The following RNF150 variants were observed in gnomAD, a reference collection of about 807,000 sequenced individuals.
RNF150 encodes the protein ring finger protein 150.
A neutral mutation model predicts 39.3 loss-of-function variants in RNF150; 24 were observed. The ratio of observed to expected loss-of-function variants is 0.61; its 90% CI spans 0.44 to 0.86. The LOEUF (loss-of-function observed/expected upper bound fraction) is 0.86, where lower values mean the gene tolerates loss of function less well. Among genes scored for constraint, RNF150 ranks in the 40% least tolerant of loss-of-function variants. The pLI, the probability that RNF150 is intolerant of heterozygous loss-of-function variation, is 0.00. For synonymous variants in RNF150, 255 were observed against 227.3 expected (o/e 1.12, Z -1.10); for missense variants, 502 against 587.8 (o/e 0.85, Z 1.51).
At chr4:140,878,458 C>G (rs182023054) in intron 6 of RNF150, among the ~76,000 whole-genome samples, 54 of 152,290 alleles carry the variant, frequency 3.5e-4, no homozygotes, top group Non-Finnish European at 6.8e-4. Flanking sequence ...CAGGCGTAAA[C>G]CACTGTGCCT....
intron 1 of RNF150, among the ~76,000 whole-genome samples, chr4:141,162,097 G>A (rs1727523442): frequency 6.6e-6 from 1 of 152,176 alleles, no homozygotes; most frequent in Admixed American, 6.5e-5. Context: ...TGCACCACAT[G>A]CCTGGAAAAA....
intron 1 of RNF150, among the ~76,000 whole-genome samples, chr4:141,071,009 T>A (rs1737674725): frequency 8.0e-6 from 1 of 125,278 alleles, no homozygotes; most frequent in Non-Finnish European, 1.7e-5. Context: ...TAGACTGGAT[T>A]AAGAAAATGT....
rs571675607 is a variant in RNF150 at position 140,886,269 on chromosome 4, T to C, written c.1199-17890A>G. 3.3e-5 allele frequency among the ~76,000 whole-genome samples: 5 copies of C among 152,128 alleles called. No homozygotes were observed. The South Asian group carries it at 1.0e-3, about 32-fold the overall frequency. On this transcript the variant is annotated intron_variant, in intron 6 of 6. Coordinates refer to ENST00000515673, the MANE Select transcript of RNF150 (RefSeq NM_020724.2). ...TGTTCAAGTCAATGTTAGCTTTTAC[T>C]TATTTGCTTTTACTCCACATTTTTC... is the stretch of plus-strand genomic sequence containing the variant.
intron 5 of RNF150, among the ~76,000 whole-genome samples, chr4:140,920,993 T>C (rs13136175): frequency 0.55 from 82,373 of 150,004 alleles, 23,122 homozygotes; most frequent in East Asian, 0.89. Flanking sequence ...ACACTGAGAA[T>C]ACATGGACAC....
chr4:140,894,830 G>A (rs1284578294), intron 6 of RNF150, among the ~76,000 whole-genome samples: 1 of 152,166 alleles, frequency 6.6e-6, no homozygotes, highest in Non-Finnish European at 1.5e-5. Flanking sequence ...GCAGTTTCCT[G>A]TAACGTAGAT....
At position 141,125,949 on chromosome 4, in the gene RNF150, C is replaced by T. The variant is rs369771409; in HGVS notation, c.484+6376G>A. ...TAAACAAGTCATACAGTTTCTTGCC[C>T]GGGTCATCTTAAGCTACACTGCCAA... On this transcript the variant is annotated intron_variant, in intron 1 of 6. Transcript: ENST00000515673. Among the ~76,000 whole-genome samples the T allele has an allele frequency of 1.7e-4, 26 of 152,202 alleles. No homozygotes were observed. In the East Asian group the frequency reaches 5.0e-3, roughly 29 times the overall value.
intron 1 of RNF150, among the ~76,000 whole-genome samples, chr4:141,143,424 C>T (rs1727152993): frequency 6.6e-6 from 1 of 152,160 alleles, no homozygotes; most frequent in Admixed American, 6.5e-5. Context: ...TCTAACCCAT[C>T]ACCAGCTCTG....
At chr4:141,056,295 G>A (rs985194325) in intron 1 of RNF150, among the ~76,000 whole-genome samples, 2 of 152,164 alleles carry the variant, frequency 1.3e-5, no homozygotes, top group African/African-American at 2.4e-5. Context: ...TAGCCCTTTC[G>A]GAGGCTGAGG....
At chr4:141,048,419 C>A (rs1254312471) in intron 1 of RNF150, among the ~76,000 whole-genome samples, 7 of 152,118 alleles carry the variant, frequency 4.6e-5, no homozygotes, top group Non-Finnish European at 8.8e-5. Flanking sequence ...TGGCATGCAG[C>A]CATCAAGGGT....
chr4:141,054,942 T>C (rs986685552), intron 1 of RNF150, among the ~76,000 whole-genome samples: 15 of 152,138 alleles, frequency 9.9e-5, no homozygotes, highest in African/African-American at 3.4e-4. Flanking sequence ...GTTAAAAAAC[T>C]GGCAGCATTT....
At chr4:141,173,542 T>C (rs1307937134) in intron 1 of RNF150, among the ~76,000 whole-genome samples, 2 of 152,178 alleles carry the variant, frequency 1.3e-5, no homozygotes, top group Non-Finnish European at 2.9e-5. Context: ...AATTGGTAAA[T>C]GGCTGTCAGG....
chr4:141,058,032 C>G (rs951362336), intron 1 of RNF150, among the ~76,000 whole-genome samples: 1 of 151,976 alleles, frequency 6.6e-6, no homozygotes, highest in Non-Finnish European at 1.5e-5. Flanking sequence ...TGAAGCAAAT[C>G]CATGCATAAA....
At chr4:141,043,883 C>T (rs1736461552) in intron 1 of RNF150, among the ~76,000 whole-genome samples, 1 of 152,088 alleles carries the variant, frequency 6.6e-6, no homozygotes, top group African/African-American at 2.4e-5. Context: ...AGATCATCTC[C>T]CTACCCAATG....
intron 4 of RNF150, among the ~76,000 whole-genome samples, chr4:140,937,007 A>G (rs1319823357): frequency 2.6e-5 from 4 of 152,188 alleles, no homozygotes; most frequent in African/African-American, 9.6e-5. Flanking sequence ...ATGAGGTGTC[A>G]ATCATTACCA....
intron 1 of RNF150, among the ~76,000 whole-genome samples, chr4:140,989,695 C>T (rs866563463): frequency 7.3e-5 from 11 of 151,724 alleles, no homozygotes; most frequent in African/African-American, 1.5e-4. Context: ...AGTATTATAA[C>T]GACTAAAATG....
chr4:140,939,606 TTGTGTGTGTGTGTG>T (rs142516967), intron 4 of RNF150, among the ~76,000 whole-genome samples: 50,667 of 138,354 alleles, frequency 0.37, 8,700 homozygotes, highest in Non-Finnish European at 0.4. Context: ...CAAGTGGAGT[TTGTGTGTGTGTGTG>T]TGTGTGTGTG....
At chr4:140,949,204 C>A in intron 3 of RNF150, 97 bp downstream of exon 3, 1 of 820,558 alleles carries the variant, frequency 1.2e-6, no homozygotes, top group Non-Finnish European at 2.0e-6. Context: ...CATATATTTC[C>A]CTTTCCCATC....
chr4:140,929,325 A>C (rs1159202897), intron 4 of RNF150, among the ~76,000 whole-genome samples: 1 of 144,866 alleles, frequency 6.9e-6, no homozygotes, highest in Non-Finnish European at 1.5e-5. Flanking sequence ...CTCTCTATGC[A>C]CTGGTCATTC....
At chr4:141,202,808 T>A (rs1187467751) in intron 1 of RNF150, among the ~76,000 whole-genome samples, 1 of 151,770 alleles carries the variant, frequency 6.6e-6, no homozygotes, top group Non-Finnish European at 1.5e-5. Flanking sequence ...TTCAAAAGTC[T>A]TTAGGGGTCA....
Sources: allele counts gnomAD v4.1 joint callset (sites outside exome capture counted in the v4.1 genomes callset), GRCh38; gene constraint gnomAD v4.1.1; transcripts MANE v1.5; gene names NCBI Gene and HGNC (gene_info 2026-07-23, HGNC 2026-07-21).